The following TFEB variants were observed in gnomAD, a reference collection of about 807,000 sequenced individuals.
TFEB encodes the protein T-cell transcription factor EB.
Under a neutral mutation model 48.0 loss-of-function variants are expected in TFEB, and 12 were observed. That is an observed-to-expected ratio of 0.25 (90% CI 0.16 to 0.40). TFEB has a LOEUF of 0.40. Ranked by LOEUF, TFEB falls within the 10% of genes least tolerant of loss-of-function variation. The probability of loss-of-function intolerance (pLI) is 1.00; values close to 1 mark genes in which losing one functional copy is unlikely to be tolerated. For synonymous variants in TFEB, 244 were observed against 261.4 expected (o/e 0.93, Z 0.64); for missense variants, 509 against 640.3 (o/e 0.79, Z 2.21).
Position 41,691,041 on chromosome 6 carries a change from T to C in TFEB, c.173A>G (p.His58Arg). Residue 58 changes from histidine (H) to arginine (R), a missense_variant, in exon 2 of 9, where the codon CAC (histidine) becomes CGC (arginine). Transcript: ENST00000373033. The surrounding 1 kb of genome is among the most constrained non-coding windows in gnomAD (Gnocchi z 5.2). ...AGGCACAGGTGGTGGCGACTGGAAG[T>C]GGACGGGGGTATTGATGGCCGGGGT... ...PPTPAINTPVHFQSPPPVPGE... is the reference protein window; with the variant it reads ...PPTPAINTPVRFQSPPPVPGE... 3 of 1,573,196 alleles carry C rather than the reference T, an allele frequency of 1.9e-6. No individual in the cohort carries two copies. The highest frequency in any genetic ancestry group is 2.6e-6 in the Non-Finnish European group (3 of 1,157,970).
chr6:41,707,280 A>T (rs1407321339), intron 1 of TFEB, among the ~76,000 whole-genome samples: 1 of 152,170 alleles, frequency 6.6e-6, no homozygotes, highest in East Asian at 1.9e-4. Flanking sequence ...TGGGGAGATG[A>T]TAGACTCGGG....
At chr6:41,699,881 A>G (rs1769804061) in intron 1 of TFEB, among the ~76,000 whole-genome samples, 1 of 152,226 alleles carries the variant, frequency 6.6e-6, no homozygotes, top group Non-Finnish European at 1.5e-5. Flanking sequence ...AGTGTAACTT[A>G]TCCTAGCAAA....
intron 1 of TFEB, among the ~76,000 whole-genome samples, chr6:41,725,569 A>G (rs1187891427): frequency 6.6e-6 from 1 of 152,222 alleles, no homozygotes. Context: ...ATCACCTTCC[A>G]ACTCCCAAGC....
intron 1 of TFEB, among the ~76,000 whole-genome samples, chr6:41,722,921 T>A (rs188328717): frequency 2.0e-5 from 3 of 152,184 alleles, no homozygotes; most frequent in Admixed American, 6.5e-5. Context: ...ACTATAACTG[T>A]CATCTCCATG....
chr6:41,696,946 G>C (rs1336244292), intron 1 of TFEB, among the ~76,000 whole-genome samples: 1 of 152,136 alleles, frequency 6.6e-6, no homozygotes, highest in Non-Finnish European at 1.5e-5. Context: ...TGTCTGGGAG[G>C]GGACACAAGA....
intron 1 of TFEB, among the ~76,000 whole-genome samples, chr6:41,707,982 G>A (rs62396727): frequency 0.12 from 18,626 of 152,256 alleles, 1,268 homozygotes; most frequent in East Asian, 0.22. Flanking sequence ...AGTGGAAGAC[G>A]GCTCTAGGCT....
intron 1 of TFEB, among the ~76,000 whole-genome samples, chr6:41,716,068 T>C (rs1770723078): frequency 6.6e-6 from 1 of 152,232 alleles, no homozygotes; most frequent in Admixed American, 6.5e-5. Context: ...CCACTGCTAC[T>C]AATACCACCA....
chr6:41,704,081 A>C (rs1770078813), intron 1 of TFEB, among the ~76,000 whole-genome samples: 1 of 152,104 alleles, frequency 6.6e-6, no homozygotes, highest in African/African-American at 2.4e-5. Flanking sequence ...GCCTCCCCTC[A>C]GCTCTTGTTT....
At chr6:41,711,906 G>A (rs768251548) in intron 1 of TFEB, among the ~76,000 whole-genome samples, 9 of 152,220 alleles carry the variant, frequency 5.9e-5, no homozygotes, top group Non-Finnish European at 1.2e-4. Context: ...TCTTCAGGCT[G>A]GGAAAGCTGA....
chr6:41,727,218 T>C (rs1771250353), intron 1 of TFEB, among the ~76,000 whole-genome samples: 1 of 152,184 alleles, frequency 6.6e-6, no homozygotes, highest in South Asian at 2.1e-4. Context: ...AGAAAGGTAC[T>C]GGTGGGGTGG....
At chr6:41,692,969 CATT>C (rs1371565789) in intron 1 of TFEB, among the ~76,000 whole-genome samples, 2 of 152,200 alleles carry the variant, frequency 1.3e-5, no homozygotes, top group East Asian at 3.8e-4. Flanking sequence ...GTCAATTTCT[CATT>C]AGTAAACGGT....
intron 5 of TFEB, 32 bp downstream of exon 5, chr6:41,687,876 T>C (rs1769093246): frequency 1.9e-6 from 3 of 1,609,954 alleles, no homozygotes; most frequent in Non-Finnish European, 2.5e-6. Flanking sequence ...GAGTCGGGTA[T>C]TCAAAGGCAC....
Position 41,723,618 on chromosome 6 carries a change from GAGGAAGT to G in TFEB, c.-23+11725_-23+11731del. 1 of 1,112,270 alleles carries G rather than the reference GAGGAAGT, an allele frequency of 9.0e-7. No homozygotes were observed. Among genetic ancestry groups the G allele is most frequent in the Non-Finnish European group, 1.2e-6 (1 of 859,120 alleles). 68.9% of individuals were successfully genotyped at this position (1,112,270 alleles called of 1,614,324 possible). A position where few individuals can be genotyped will look rare whatever the true frequency, so the allele number is the denominator to read the frequency against. On this transcript the variant is annotated intron_variant, in intron 1 of 8. Transcript: ENST00000373033. This position sits in a 1 kb window ranked among gnomAD's most constrained non-coding sequence, Gnocchi z 6.0. ...CCCAGCCCCCTGCACCTCAGCTGGA[GAGGAAGT>G]TGCACAATCCCCTGGGAGCTGCAAA...
chr6:41,707,430 G>A (rs1436474095), intron 1 of TFEB, among the ~76,000 whole-genome samples: 2 of 152,174 alleles, frequency 1.3e-5, no homozygotes, highest in Non-Finnish European at 2.9e-5. Flanking sequence ...GCTGGTGGCT[G>A]GAGGAAGAAG....
intron 1 of TFEB, among the ~76,000 whole-genome samples, chr6:41,704,030 G>T (rs1770075560): frequency 6.6e-6 from 1 of 152,184 alleles, no homozygotes; most frequent in African/African-American, 2.4e-5. Context: ...GAGCCCATCA[G>T]TGAAGGGGCT....
At chr6:41,685,190 C>A (rs993196277) in intron 8 of TFEB, 112 bp from the exon 9 acceptor site, 8 of 1,285,752 alleles carry the variant, frequency 6.2e-6, no homozygotes, top group Non-Finnish European at 8.0e-6. Flanking sequence ...GCACCCAAGA[C>A]CCAAAGTGTT....
At chr6:41,701,834 A>C (rs1222274706) in intron 1 of TFEB, among the ~76,000 whole-genome samples, 2 of 151,160 alleles carry the variant, frequency 1.3e-5, no homozygotes, top group Non-Finnish European at 2.9e-5. Flanking sequence ...AGTCCCAGCT[A>C]CTTGGGAGGC....
intron 1 of TFEB, among the ~76,000 whole-genome samples, chr6:41,714,138 T>G (rs1561866656): frequency 1.7e-5 from 2 of 116,498 alleles, no homozygotes; most frequent in African/African-American, 4.6e-5. Context: ...TGTGCATGTG[T>G]GCGTGTGTGT....
Position 41,700,397 on chromosome 6 carries a change from C to T in TFEB, c.-22-9162G>A, listed in dbSNP as rs1024242734. Among the ~76,000 whole-genome samples, 13 of 145,216 alleles carry T rather than the reference C, an allele frequency of 9.0e-5. No homozygotes were observed. The Admixed American group carries it at 9.3e-4, about 10-fold the overall frequency. On this transcript the variant is annotated intron_variant, in intron 1 of 8. Coordinates refer to ENST00000373033, the MANE Select transcript of TFEB (RefSeq NM_001271944.2). The stretch of plus-strand genomic sequence containing the variant: ...AGGAGAATGGCGTGAACCCGGGAGG[C>T]GGAGCTTGCAGTGAGCCGAGATCTC...
Sources: gnomAD v4.1 joint callset for allele counts (sites outside exome capture counted in the v4.1 genomes callset) on GRCh38, gnomAD v4.1.1 for gene constraint, Gnocchi (gnomAD v3.1) non-coding constraint, MANE v1.5 for transcripts, NCBI Gene and HGNC (gene_info 2026-07-23, HGNC 2026-07-21) for gene names.